Variants in ADCY9 observed in about 807,000 individuals in gnomAD.
ADCY9 encodes adenylate cyclase 9.
Under a neutral mutation model 101.5 loss-of-function variants are expected in ADCY9, and 50 were observed. The observed-to-expected ratio is 0.49, with a 90% CI of 0.39 to 0.62. The LOEUF (loss-of-function observed/expected upper bound fraction) is 0.62. Among genes scored for constraint, ADCY9 ranks in the 20% least tolerant of loss-of-function variants. The pLI is 0.00. For missense variants in ADCY9, 1,662 were observed against 1,800.4 expected (o/e 0.92, Z 1.39); for synonymous variants, 905 against 769.3 (o/e 1.18, Z -2.92).
chr16:4,009,160 C>G (rs887130617), intron 2 of ADCY9, among the ~76,000 whole-genome samples: 1 of 152,138 alleles, frequency 6.6e-6, no homozygotes, highest in Non-Finnish European at 1.5e-5. Context: ...CCTAGAAACA[C>G]GTAAAGACAG....
At chr16:4,111,714 G>A (rs1344032455) in intron 2 of ADCY9, among the ~76,000 whole-genome samples, 3 of 151,900 alleles carry the variant, frequency 2.0e-5, no homozygotes, top group South Asian at 2.1e-4. Flanking sequence ...GCTAAGCTAA[G>A]CCTTCTATCT....
At chr16:4,091,338 T>C (rs1174465347) in intron 2 of ADCY9, among the ~76,000 whole-genome samples, 2 of 152,216 alleles carry the variant, frequency 1.3e-5, no homozygotes, top group Non-Finnish European at 2.9e-5. Flanking sequence ...CCTCCCAAAG[T>C]GTTGGGATTA....
At chr16:4,005,312 A>C (rs2056360024) in intron 3 of ADCY9, among the ~76,000 whole-genome samples, 1 of 152,140 alleles carries the variant, frequency 6.6e-6, no homozygotes, top group East Asian at 1.9e-4. Context: ...CATGCAGCCT[A>C]AATTCCTGGG....
At chr16:3,967,252 A>C (rs549024539) in intron 10 of ADCY9, among the ~76,000 whole-genome samples, 1 of 152,086 alleles carries the variant, frequency 6.6e-6, no homozygotes, top group Non-Finnish European at 1.5e-5. Flanking sequence ...GGCCTCCCAA[A>C]GTGCTGGAAT....
At chr16:3,986,677 C>T (rs1317449440) in intron 6 of ADCY9, among the ~76,000 whole-genome samples, 3 of 152,070 alleles carry the variant, frequency 2.0e-5, no homozygotes, top group Admixed American at 1.3e-4. Context: ...AGGCTGGTCT[C>T]GAACTCCTGA....
At chr16:4,060,483 A>T (rs1035781135) in intron 2 of ADCY9, among the ~76,000 whole-genome samples, 1 of 152,108 alleles carries the variant, frequency 6.6e-6, no homozygotes, top group Non-Finnish European at 1.5e-5. Flanking sequence ...ATGTCCCTAA[A>T]CGTACACACA....
intron 2 of ADCY9, among the ~76,000 whole-genome samples, chr16:4,042,396 T>C (rs546732704): frequency 1.3e-5 from 2 of 152,298 alleles, no homozygotes; most frequent in African/African-American, 4.8e-5. Context: ...AGGAAAAATA[T>C]ATGGCTTCTT....
chr16:3,966,148 T>C lies in ADCY9; in HGVS notation c.3689A>G (p.Asn1230Ser). Residue 1230 changes from asparagine to serine, a missense_variant, in exon 11 of 11, where the codon AAT becomes AGT. This residue lies in a region of ADCY9 where 220 missense variants were observed against 312.9 expected (regional missense o/e 0.70). Transcript: ENST00000294016. ...GYDFDYRGTVNVKGKGQMKTY... is the reference protein window; with the variant it reads ...GYDFDYRGTVSVKGKGQMKTY... Reference sequence around the variant, plus strand: ...CTTCATCTGGCCTTTCCCCTTGACATTCACGGTCCCTCTGTAGTCGAAGTC... The same window carrying C: ...CTTCATCTGGCCTTTCCCCTTGACACTCACGGTCCCTCTGTAGTCGAAGTC... 6.2e-7 allele frequency: 1 copy of C among 1,614,222 alleles called. No individual in the cohort carries two copies. The highest frequency in any genetic ancestry group is 8.5e-7 in the Non-Finnish European group (1 of 1,180,042).
intron 10 of ADCY9, 117 bp from the exon 11 acceptor site, chr16:3,967,083 G>A: frequency 5.0e-6 from 4 of 800,688 alleles, no homozygotes; most frequent in Non-Finnish European, 8.0e-6. Flanking sequence ...ACCTGAAGCT[G>A]TCAAGCTGCC....
rs2055985684 is a variant in ADCY9 at position 3,965,788 on chromosome 16, G to A, written c.4049C>T (p.Ser1350Leu). The change falls in exon 11 of 11, where the codon TCA (serine) becomes TTA (leucine). Residue 1350 changes from serine to leucine, a missense_variant. By Grantham distance (145) the Ser-to-Leu change is moderately radical (BLOSUM62 -2). Transcript: ENST00000294016. ...GTGGGCGCCGCCTCACACACTCTTT[G>A]AAACGTTGAGCTTGGTGAGTTCGTT... is the stretch of plus-strand genomic sequence containing the variant. ...EANELTKLNVSKSV is the reference protein window; with the variant it reads ...EANELTKLNVLKSV 4 of 1,612,696 alleles carry A rather than the reference G, an allele frequency of 2.5e-6. No homozygotes were observed. The highest frequency in any genetic ancestry group is 3.4e-6 in the Non-Finnish European group (4 of 1,179,304).
chr16:4,036,470 T>TG (rs1555511060), intron 2 of ADCY9, among the ~76,000 whole-genome samples: 2 of 142,902 alleles, frequency 1.4e-5, no homozygotes, highest in Admixed American at 7.0e-5. Flanking sequence ...TTGTTTTTTT[T>TG]TTTTTTTTTT....
In ADCY9 at chr16:4,115,862, C is replaced by T. The variant is rs952773004; in HGVS notation, c.-216G>A. The T allele has an allele frequency of 1.5e-5, 6 of 396,382 alleles. No homozygotes were observed. The Admixed American group carries it at 2.6e-4, about 17-fold the overall frequency. The allele number at this position is 396,382 out of a possible 1,614,324, so 24.6% of individuals were successfully genotyped here. On this transcript the variant is annotated 5_prime_UTR_variant, in exon 1 of 11. Coordinates refer to ENST00000294016, the MANE Select transcript of ADCY9 (RefSeq NM_001116.4). The surrounding 1 kb of genome is among the most constrained non-coding windows in gnomAD (Gnocchi z 6.2). ...CGGAGGGAAGTTCAGACCTTGAGCG[C>T]TCCCAGCCCCGCGAGCCGCCTGCGC... is the stretch of plus-strand genomic sequence containing the variant.
intron 6 of ADCY9, among the ~76,000 whole-genome samples, chr16:3,985,516 CTCCATCTAGTGCCCGTCAGGGGT>C (rs1321323207): frequency 6.6e-6 from 1 of 152,198 alleles, no homozygotes; most frequent in African/African-American, 2.4e-5. Context: ...TTCTGTGGGG[CTCCATCTAGTGCCCGTCAGGGGT>C]TCGAGTCAGG....
intron 2 of ADCY9, among the ~76,000 whole-genome samples, chr16:4,027,741 G>A: frequency 6.6e-6 from 1 of 152,106 alleles, no homozygotes; most frequent in East Asian, 1.9e-4. Flanking sequence ...GCTGGGTGTG[G>A]TGGTCCATGC....
intron 2 of ADCY9, among the ~76,000 whole-genome samples, chr16:4,082,527 T>C (rs554537301): frequency 1.3e-5 from 2 of 152,164 alleles, no homozygotes; most frequent in South Asian, 2.1e-4. Context: ...CTGCTTGGGG[T>C]ATCTCCCTTC....
At chr16:4,051,538 A>G (rs2056701787) in intron 2 of ADCY9, among the ~76,000 whole-genome samples, 1 of 151,604 alleles carries the variant, frequency 6.6e-6, no homozygotes, top group African/African-American at 2.4e-5. Context: ...AAAAAAAAAA[A>G]GAAGAAGAAG....
chr16:4,014,939 CTT>C (rs578260761), intron 2 of ADCY9, among the ~76,000 whole-genome samples: 1 of 93,238 alleles, frequency 1.1e-5, no homozygotes, highest in African/African-American at 4.3e-5. Context: ...CTGTTTTGGC[CTT>C]TTTTTTTTTT....
In ADCY9 at chr16:4,114,328, T is replaced by A; in HGVS notation, c.1115A>T (p.Lys372Met). Residue 372 changes from lysine to methionine, a missense_variant, in exon 2 of 11, where the codon AAG becomes ATG. Physicochemically the swap from Lys to Met is moderately conservative, Grantham distance 95 (BLOSUM62 -1). Transcript: ENST00000294016. This position sits in a 1 kb window ranked among gnomAD's most constrained non-coding sequence, Gnocchi z 4.3. Reference sequence around the variant, plus strand: ...TATAGGAGCTTTTTGGATGGAAGACTTTTTCTTCCTGTTCTTGGGGCTCGA... The same window carrying A: ...TATAGGAGCTTTTTGGATGGAAGACATTTTCTTCCTGTTCTTGGGGCTCGA... ...ATSSPKNRKK[K>M]SSIQKAPIAF... The A allele has an allele frequency of 1.2e-6, 2 of 1,613,960 alleles. No homozygotes were observed. The highest frequency in any genetic ancestry group is 1.7e-6 in the Non-Finnish European group (2 of 1,180,032).
chr16:3,992,341 T>C lies in ADCY9; in HGVS notation c.2012A>G (p.Lys671Arg). Residue 671 changes from lysine to arginine, a missense_variant, in exon 5 of 11, where the codon AAA (lysine) becomes AGA (arginine). Physicochemically the swap from Lys to Arg is conservative, Grantham distance 26. Coordinates refer to ENST00000294016, the MANE Select transcript of ADCY9 (RefSeq NM_001116.4). The surrounding 1 kb of genome is among the most constrained non-coding windows in gnomAD (Gnocchi z 4.2). Reference protein sequence around the residue: ...STKASGGPNPKTQNGLLSPPQ... With the variant: ...STKASGGPNPRTQNGLLSPPQ... Reference sequence around the variant, plus strand: ...AGGGCTGAGGAGCCCGTTCTGAGTTTTGGGATTAGGTCCTCCAGAAGCCTG... The same window carrying C: ...AGGGCTGAGGAGCCCGTTCTGAGTTCTGGGATTAGGTCCTCCAGAAGCCTG... The C allele has an allele frequency of 6.2e-7, 1 of 1,613,938 alleles. No homozygotes were observed. The highest frequency in any genetic ancestry group is 8.5e-7 in the Non-Finnish European group (1 of 1,179,972).
Sources: allele counts gnomAD v4.1 joint callset (sites outside exome capture counted in the v4.1 genomes callset), GRCh38; gene constraint gnomAD v4.1.1; regional missense constraint gnomAD v4.1.1; non-coding constraint Gnocchi (gnomAD v3.1); transcripts MANE v1.5; gene names NCBI Gene and HGNC (gene_info 2026-07-23, HGNC 2026-07-21).